NAV2: variants seen among roughly 807,000 people sequenced by gnomAD.
NAV2 encodes helicase, APC down-regulated 1.
NAV2 carries 54 observed loss-of-function variants against 223.2 expected under a neutral mutation model. The observed-to-expected ratio is 0.24, with a 90% CI of 0.19 to 0.30. The LOEUF (loss-of-function observed/expected upper bound fraction) is 0.30, where lower values mean the gene tolerates loss of function less well. Ranked by LOEUF, NAV2 falls within the 10% of genes least tolerant of loss-of-function variation. NAV2 has a pLI of 1.00. For missense variants in NAV2, 2,806 were observed against 3,147.5 expected (o/e 0.89, Z 2.60); for synonymous variants, 1,279 against 1,239.3 (o/e 1.03, Z -0.67).
At chr11:19,482,155 A>G (rs945417446) in intron 1 of NAV2, among the ~76,000 whole-genome samples, 1 of 152,214 alleles carries the variant, frequency 6.6e-6, no homozygotes, top group African/African-American at 2.4e-5. Flanking sequence ...AATATAATCT[A>G]ACTAAATTAC....
chr11:19,955,345 A>G (rs1214611690), intron 10 of NAV2, among the ~76,000 whole-genome samples: 1 of 152,000 alleles, frequency 6.6e-6, no homozygotes, highest in Non-Finnish European at 1.5e-5. Flanking sequence ...AGCTGTGATT[A>G]CACCATTGCA....
At chr11:19,973,233 G>A (rs1023057459) in intron 10 of NAV2, among the ~76,000 whole-genome samples, 1 of 152,140 alleles carries the variant, frequency 6.6e-6, no homozygotes, top group Admixed American at 6.6e-5. Flanking sequence ...GAACCCAGAA[G>A]GGAAACAGAC....
intron 1 of NAV2, among the ~76,000 whole-genome samples, chr11:19,437,095 A>C (rs1265474461): frequency 1.3e-5 from 2 of 152,128 alleles, no homozygotes; most frequent in Non-Finnish European, 2.9e-5. Flanking sequence ...TACTAAAATG[A>C]GGTAGGCAAG....
At chr11:19,350,671 C>T, upstream of NAV2, 1 of 462,842 alleles carries the variant, frequency 2.2e-6, no homozygotes, top group Non-Finnish European at 4.0e-6. Flanking sequence ...GATTTGTCCT[C>T]TGGGCTCTCA....
At chr11:19,863,914 T>C (rs1364159293) in intron 3 of NAV2, among the ~76,000 whole-genome samples, 1 of 152,164 alleles carries the variant, frequency 6.6e-6, no homozygotes, top group African/African-American at 2.4e-5. Flanking sequence ...AATAGATAAA[T>C]GAATGGGTGA....
intron 1 of NAV2, among the ~76,000 whole-genome samples, chr11:19,528,347 A>G (rs988194744): frequency 3.5e-4 from 53 of 152,224 alleles, no homozygotes; most frequent in African/African-American, 1.2e-3. Context: ...AGTAATTTTT[A>G]GTGAGAAGGA....
At chr11:19,709,999 A>G (rs1397569472), upstream of NAV2, among the ~76,000 whole-genome samples, 3 of 152,356 alleles carry the variant, frequency 2.0e-5, no homozygotes, top group East Asian at 5.8e-4. Context: ...ATGTTTACCA[A>G]TCCTAGAACA....
At chr11:19,759,205 C>T (rs552210739) in intron 1 of NAV2, among the ~76,000 whole-genome samples, 2 of 151,612 alleles carry the variant, frequency 1.3e-5, no homozygotes, top group East Asian at 3.9e-4. Flanking sequence ...GTCTCAGCCT[C>T]CCCAGCAGCT....
intron 1 of NAV2, among the ~76,000 whole-genome samples, chr11:19,403,687 A>T (rs11025120): frequency 0.069 from 10,533 of 152,260 alleles, 772 homozygotes; most frequent in East Asian, 0.39. Context: ...AAAACGGGCA[A>T]AGTCCTTGGT....
At position 19,587,672 on chromosome 11, in the gene NAV2, A is replaced by G. The variant is rs1313701352; in HGVS notation, c.75+236645A>G. The stretch of plus-strand genomic sequence containing the variant: ...TTTTCTTTGGGTACCCAATCCCAAG[A>G]GCTCTTCTGAAAGTAAGCAATGGAG... On this transcript the variant is annotated intron_variant, in intron 1 of 37. Transcript: ENST00000360655. Among the ~76,000 whole-genome samples the G allele has an allele frequency of 3.9e-5, 6 of 152,338 alleles. No individual in the cohort carries two copies. In the East Asian group the frequency reaches 1.2e-3, roughly 29 times the overall value.
chr11:19,524,283 G>C (rs911394837), intron 1 of NAV2, among the ~76,000 whole-genome samples: 13 of 152,184 alleles, frequency 8.5e-5, no homozygotes, highest in Non-Finnish European at 2.9e-5. Context: ...CTGCTGGTTG[G>C]GTTATGCAAC....
At chr11:19,481,532 T>TTA (rs894465337) in intron 1 of NAV2, among the ~76,000 whole-genome samples, 6 of 152,232 alleles carry the variant, frequency 3.9e-5, no homozygotes, top group Non-Finnish European at 7.3e-5. Flanking sequence ...AATTGGGTGT[T>TTA]GCAGGGCAAA....
chr11:19,470,463 C>T (rs963963790), intron 1 of NAV2, among the ~76,000 whole-genome samples: 13 of 152,186 alleles, frequency 8.5e-5, no homozygotes, highest in African/African-American at 2.7e-4. Context: ...ATCAAGAAGA[C>T]GGCATCTTGT....
chr11:20,108,808 C>T (rs1252101995), intron 36 of NAV2, among the ~76,000 whole-genome samples: 1 of 152,136 alleles, frequency 6.6e-6, no homozygotes, highest in African/African-American at 2.4e-5. Context: ...GGAAGCTTAC[C>T]ATTAATTTGG....
intron 1 of NAV2, among the ~76,000 whole-genome samples, chr11:19,355,595 A>G (rs1371053149): frequency 6.6e-6 from 1 of 152,040 alleles, no homozygotes; most frequent in African/African-American, 2.4e-5. Context: ...CAGGCCCACC[A>G]CCTTCTTCAA....
chr11:19,497,620 G>T (rs991512833), intron 1 of NAV2, among the ~76,000 whole-genome samples: 3 of 152,100 alleles, frequency 2.0e-5, no homozygotes, highest in Non-Finnish European at 1.5e-5. Flanking sequence ...TTGGCCTCAG[G>T]GTCCACATGG....
chr11:19,852,207 A>C (rs1048999940), intron 3 of NAV2, among the ~76,000 whole-genome samples: 4 of 152,248 alleles, frequency 2.6e-5, no homozygotes, highest in African/African-American at 9.6e-5. Context: ...TTGTTGCAGC[A>C]GCAATAGGAA....
rs2052192342 is a variant in NAV2, at chr11:19,998,590, C to T, written c.2768+14343C>T. ...GCCCCTGCGCACCTCTCCAGCCTCA[C>T]CTCATCACGCTTTACCTCCCTGACT... On this transcript the variant is annotated intron_variant, in intron 11 of 37. Coordinates refer to ENST00000349880, the MANE Select transcript of NAV2 (RefSeq NM_145117.5). This position sits in a 1 kb window ranked among gnomAD's most constrained non-coding sequence, Gnocchi z 5.0. Among the ~76,000 whole-genome samples, 1 of 152,158 alleles carries T rather than the reference C, an allele frequency of 6.6e-6. No individual in the cohort carries two copies. Among genetic ancestry groups the T allele is most frequent in the Non-Finnish European group, 1.5e-5 (1 of 68,044 alleles).
At chr11:19,764,721 A>G (rs1410673697) in intron 1 of NAV2, among the ~76,000 whole-genome samples, 4 of 152,124 alleles carry the variant, frequency 2.6e-5, no homozygotes, top group African/African-American at 9.7e-5. Context: ...TCTTGCATGA[A>G]TGTATATATA....
Sources: gnomAD v4.1 joint callset for allele counts (sites outside exome capture counted in the v4.1 genomes callset) on GRCh38, gnomAD v4.1.1 for gene constraint, Gnocchi (gnomAD v3.1) non-coding constraint, MANE v1.5 for transcripts, NCBI Gene and HGNC (gene_info 2026-07-23, HGNC 2026-07-21) for gene names.